Variants in RAVER2 observed in about 807,000 individuals in gnomAD.
The protein encoded by RAVER2 is ribonucleoprotein, PTB binding 2.
RAVER2 carries 46 observed loss-of-function variants against 78.1 expected under a neutral mutation model. That is an observed-to-expected ratio of 0.59 (90% CI 0.46 to 0.75). The LOEUF (loss-of-function observed/expected upper bound fraction) is 0.75, where lower values mean the gene tolerates loss of function less well. Among genes scored for constraint, RAVER2 ranks in the 30% least tolerant of loss-of-function variants. The pLI is 0.00. For missense variants in RAVER2, 793 were observed against 837.5 expected, an observed-to-expected ratio of 0.95 and a Z score of 0.66; for synonymous variants, 311 against 313.3, an observed-to-expected ratio of 0.99 and a Z score of 0.08.
At chr1:64,802,905 T>G in intron 5 of RAVER2, 71 bp from the exon 6 acceptor site, 1 of 1,000,428 alleles carries the variant, frequency 1.0e-6, no homozygotes, top group Non-Finnish European at 1.5e-6. Context: ...ATTTACCCTT[T>G]TCGAAGCTTG....
intron 2 of RAVER2, among the ~76,000 whole-genome samples, chr1:64,773,427 A>C (rs909121432): frequency 1.2e-4 from 18 of 151,838 alleles, no homozygotes; most frequent in African/African-American, 4.4e-4. Context: ...CAGTGAGAAC[A>C]TGTGGTGTTT....
At chr1:64,747,100 A>G (rs1207161725) in intron 1 of RAVER2, among the ~76,000 whole-genome samples, 1 of 152,228 alleles carries the variant, frequency 6.6e-6, no homozygotes, top group Non-Finnish European at 1.5e-5. Context: ...CATGAAAAAT[A>G]TATCAAAGGG....
At chr1:64,801,222 C>T (rs1653254254) in intron 5 of RAVER2, among the ~76,000 whole-genome samples, 1 of 151,722 alleles carries the variant, frequency 6.6e-6, no homozygotes, top group Admixed American at 6.6e-5. Context: ...CCTCTGCCTC[C>T]CAAGTAGCTG....
At chr1:64,833,155 G>GTTAT in exon 12 of RAVER2, 1 of 186,952 alleles carries the variant, frequency 5.3e-6, no homozygotes, top group Non-Finnish European at 1.1e-5. Flanking sequence ...AAACTATACT[G>GTTAT]TTATTTTTCT....
chr1:64,794,887 C>G (rs1570562862), intron 5 of RAVER2, among the ~76,000 whole-genome samples: 1 of 151,962 alleles, frequency 6.6e-6, no homozygotes, highest in East Asian at 1.9e-4. Flanking sequence ...GAAATCTTTG[C>G]CAAATTCAGG....
At chr1:64,770,679 A>AAGTGTTCCATATAT (rs1553152667) in intron 2 of RAVER2, among the ~76,000 whole-genome samples, 1 of 152,082 alleles carries the variant, frequency 6.6e-6, no homozygotes, top group Non-Finnish European at 1.5e-5. Context: ...CAGTTTTTAT[A>AAGTGTTCCATATAT]ATAGTGTTCC....
intron 9 of RAVER2, among the ~76,000 whole-genome samples, chr1:64,808,928 G>A (rs1653523856): frequency 6.6e-6 from 1 of 152,098 alleles, no homozygotes; most frequent in Admixed American, 6.6e-5. Flanking sequence ...TGGATTTTAG[G>A]TGATTCACAT....
chr1:64,813,554 A>G (rs2100887830), intron 10 of RAVER2, among the ~76,000 whole-genome samples: 1 of 152,318 alleles, frequency 6.6e-6, no homozygotes, highest in Admixed American at 6.5e-5. Flanking sequence ...AAATCCAAAA[A>G]AGTAAATTCT....
chr1:64,832,230 C>G (rs1451225379), exon 12 of RAVER2: 1 of 152,576 alleles, frequency 6.6e-6, no homozygotes, highest in Non-Finnish European at 1.5e-5. Flanking sequence ...CTGATGGAGT[C>G]TTAAGGAGTC....
In RAVER2 at chr1:64,789,230, C is replaced by T. The variant is rs1397214020; in HGVS notation, c.979-158C>T. Among the ~76,000 whole-genome samples the T allele has an allele frequency of 2.0e-5, 3 of 152,060 alleles. No homozygotes were observed. In the East Asian group the frequency reaches 5.8e-4, roughly 29 times the overall value. ...ATGCCATATGTATAATTGAGAACTG[C>T]AGTAGAGAGTATAAAATAGATATAT... On this transcript the variant is annotated intron_variant, in intron 4 of 11. Transcript: ENST00000294428.
In RAVER2 at chr1:64,781,554, A is replaced by G. The variant is rs757504044; in HGVS notation, c.961A>G (p.Ile321Val). Residue 321 changes from isoleucine to valine, a missense_variant, in exon 4 of 12, where the codon ATA (isoleucine) becomes GTA (valine). Ile to Val is a conservative substitution (Grantham distance 29). Coordinates refer to ENST00000294428, the Ensembl canonical transcript of RAVER2. ...AGGGCGAAGTACATTAGCAGCATTGATAGCGGCTCAACGTGTGGTAAGTTT... is the reference window on the plus strand; with the variant it reads ...AGGGCGAAGTACATTAGCAGCATTGGTAGCGGCTCAACGTGTGGTAAGTTT... 4 of 1,612,598 alleles carry G rather than the reference A, an allele frequency of 2.5e-6. No homozygotes were observed. The East Asian group carries it at 6.7e-5, about 27-fold the overall frequency.
At chr1:64,807,608 G>A in intron 9 of RAVER2, 134 bp downstream of exon 9, 2 of 1,008,642 alleles carry the variant, frequency 2.0e-6, no homozygotes, top group Non-Finnish European at 2.7e-6. Context: ...TTTCAAAATT[G>A]AAGAAAACAT....
At chr1:64,774,650 G>C (rs1260226346) in intron 2 of RAVER2, among the ~76,000 whole-genome samples, 1 of 152,142 alleles carries the variant, frequency 6.6e-6, no homozygotes, top group African/African-American at 2.4e-5. Context: ...GATTGTCTTG[G>C]CTGTGTTGGC....
At chr1:64,827,766 A>T (rs1333739) in intron 11 of RAVER2, among the ~76,000 whole-genome samples, 94,175 of 152,164 alleles carry the variant, frequency 0.62, 32,003 homozygotes, top group East Asian at 0.93. Flanking sequence ...CTCACATGCA[A>T]GTATCTAATA....
intron 4 of RAVER2, among the ~76,000 whole-genome samples, chr1:64,785,583 G>C (rs963026026): frequency 6.6e-6 from 1 of 151,980 alleles, no homozygotes; most frequent in Non-Finnish European, 1.5e-5. Context: ...TGGCCAGACT[G>C]GTCTTGAACT....
intron 1 of RAVER2, among the ~76,000 whole-genome samples, chr1:64,749,708 CTATT>C (rs1651644509): frequency 1.3e-5 from 2 of 152,090 alleles, no homozygotes; most frequent in South Asian, 4.1e-4. Flanking sequence ...ATGCTGGTTC[CTATT>C]CATAGCCATT....
At chr1:64,812,362 CAAAAAAAAAAAA>C (rs61411897) in intron 9 of RAVER2, among the ~76,000 whole-genome samples, 5 of 70,088 alleles carry the variant, frequency 7.1e-5, no homozygotes, top group African/African-American at 1.1e-4. Flanking sequence ...ATTCCATCTC[CAAAAAAAAAAAA>C]AAAAAAAAAT....
At chr1:64,778,444 G>T (rs1652534206) in intron 3 of RAVER2, among the ~76,000 whole-genome samples, 2 of 152,246 alleles carry the variant, frequency 1.3e-5, no homozygotes, top group Middle Eastern at 3.4e-3. Flanking sequence ...GAAAGGCAGA[G>T]AATGGAAAGA....
chr1:64,772,965 T>C (rs1652360670), intron 2 of RAVER2, among the ~76,000 whole-genome samples: 1 of 152,146 alleles, frequency 6.6e-6, no homozygotes, highest in African/African-American at 2.4e-5. Context: ...TTCTGTTTTT[T>C]AGAGATCACT....
Sources: gnomAD v4.1 joint callset for allele counts (sites outside exome capture counted in the v4.1 genomes callset) on GRCh38, gnomAD v4.1.1 for gene constraint, MANE v1.5 for transcripts, NCBI Gene and HGNC (gene_info 2026-07-23, HGNC 2026-07-21) for gene names.